Variants in MBOAT2 observed in about 807,000 individuals in gnomAD.
The protein encoded by MBOAT2 is membrane bound glycerophospholipid O-acyltransferase 2, also known as membrane-bound glycerophospholipid O-acyltransferase 2.
MBOAT2 carries 28 observed loss-of-function variants against 63.4 expected under a neutral mutation model. The observed-to-expected ratio is 0.44, with a 90% CI of 0.33 to 0.61. The LOEUF is 0.61. Among genes scored for constraint, MBOAT2 ranks in the 20% least tolerant of loss-of-function variants. The probability of loss-of-function intolerance (pLI) is 0.03; values close to 1 mark genes in which losing one functional copy is unlikely to be tolerated. For missense variants in MBOAT2, 470 were observed against 605.8 expected, an observed-to-expected ratio of 0.78 and a Z score of 2.35; for synonymous variants, 211 against 215.6, an observed-to-expected ratio of 0.98 and a Z score of 0.19.
chr2:8,997,303 A>G (rs1009495548), intron 1 of MBOAT2, among the ~76,000 whole-genome samples: 1 of 152,156 alleles, frequency 6.6e-6, no homozygotes, highest in African/African-American at 2.4e-5. Context: ...GCCCTGATGG[A>G]CCCAATAAAC....
chr2:8,869,058 T>TG (rs1662116045), intron 8 of MBOAT2, among the ~76,000 whole-genome samples: 1 of 152,184 alleles, frequency 6.6e-6, no homozygotes, highest in African/African-American at 2.4e-5. Context: ...CTAGAATTTT[T>TG]AAAAAATAGA....
At chr2:8,947,237 T>A (rs994848989) in intron 2 of MBOAT2, among the ~76,000 whole-genome samples, 4 of 152,098 alleles carry the variant, frequency 2.6e-5, no homozygotes, top group African/African-American at 7.2e-5. Context: ...TCAATTCTAG[T>A]AGGGTGGAGA....
intron 3 of MBOAT2, among the ~76,000 whole-genome samples, chr2:8,926,038 G>A (rs1365285764): frequency 6.6e-6 from 1 of 152,198 alleles, no homozygotes; most frequent in Non-Finnish European, 1.5e-5. Context: ...AAGCTACTGG[G>A]CAGGAGAGCA....
intron 4 of MBOAT2, among the ~76,000 whole-genome samples, chr2:8,899,507 G>A (rs1664750427): frequency 6.6e-6 from 1 of 152,204 alleles, no homozygotes; most frequent in Non-Finnish European, 1.5e-5. Flanking sequence ...CTGGGGCTCA[G>A]TGAGGGTGAT....
At chr2:9,001,660 G>A (rs978125391) in intron 1 of MBOAT2, among the ~76,000 whole-genome samples, 4 of 152,210 alleles carry the variant, frequency 2.6e-5, no homozygotes, top group Non-Finnish European at 5.9e-5. Flanking sequence ...TTTAAGTCCT[G>A]TCACTTTCCC....
intron 3 of MBOAT2, among the ~76,000 whole-genome samples, chr2:8,939,925 G>A (rs1187921968): frequency 1.3e-5 from 2 of 152,066 alleles, no homozygotes; most frequent in African/African-American, 4.8e-5. Context: ...AGTGATAAAG[G>A]GCAAATTACC....
At chr2:8,904,666 C>CT (rs1317098433) in intron 4 of MBOAT2, among the ~76,000 whole-genome samples, 3 of 152,038 alleles carry the variant, frequency 2.0e-5, no homozygotes, top group Admixed American at 1.3e-4. Context: ...TCCAGTTACT[C>CT]TATGTTCTAC....
chr2:8,857,872 G>C lies in MBOAT2; in HGVS notation c.*807C>G, dbSNP rs1661208700. The C allele has an allele frequency of 1.3e-5, 2 of 152,226 alleles. No homozygotes were observed. Among genetic ancestry groups the C allele is most frequent in the Non-Finnish European group, 2.9e-5 (2 of 68,038 alleles). 9.4% of individuals were successfully genotyped at this position (152,226 alleles called of 1,614,324 possible). On this transcript the variant is annotated 3_prime_UTR_variant, in exon 13 of 13. Transcript: ENST00000305997. Reference sequence around the variant, plus strand: ...CGGCTGTGCCCCGTGCATTCCACCGGAGGCCACGCAGTGCTTCTTCATTCC... The same window carrying C: ...CGGCTGTGCCCCGTGCATTCCACCGCAGGCCACGCAGTGCTTCTTCATTCC...
At chr2:8,951,364 C>T (rs1668823342) in intron 2 of MBOAT2, among the ~76,000 whole-genome samples, 1 of 152,136 alleles carries the variant, frequency 6.6e-6, no homozygotes, top group African/African-American at 2.4e-5. Context: ...GTCACCACAC[C>T]TGGCTAATTT....
chr2:8,962,683 T>A (rs1669698498), intron 1 of MBOAT2, among the ~76,000 whole-genome samples: 1 of 152,064 alleles, frequency 6.6e-6, no homozygotes, highest in African/African-American at 2.4e-5. Context: ...AAACTATATA[T>A]ATATATATCC....
intron 6 of MBOAT2, among the ~76,000 whole-genome samples, chr2:8,881,233 T>C (rs189872911): frequency 6.6e-6 from 1 of 152,322 alleles, no homozygotes. Context: ...TCAGGCAGCA[T>C]GGGAGATTTG....
At chr2:8,970,104 GACCACATAGTTGGAAGT>G (rs1670336547) in intron 1 of MBOAT2, among the ~76,000 whole-genome samples, 2 of 152,228 alleles carry the variant, frequency 1.3e-5, no homozygotes, top group South Asian at 4.1e-4. Context: ...TTCCAAAATT[GACCACATAGTTGGAAGT>G]AAAGCACTCC....
Position 8,966,130 on chromosome 2 carries a change from G to A in MBOAT2, c.76-7488C>T, listed in dbSNP as rs79458503. Among the ~76,000 whole-genome samples the A allele has an allele frequency of 2.3e-3, 345 of 152,298 alleles. 1 individual carries two copies. The highest frequency in any genetic ancestry group is 7.8e-3 in the African/African-American group (323 of 41,554). ...TTGATGGAAAGGGGAGTGAGGAGGC[G>A]TGAAGTATACAACCTGATGTGAAAG... On this transcript the variant is annotated intron_variant, in intron 1 of 12. Transcript: ENST00000305997.
intron 1 of MBOAT2, among the ~76,000 whole-genome samples, chr2:8,982,663 C>A (rs999496159): frequency 2.6e-5 from 4 of 152,190 alleles, no homozygotes; most frequent in Non-Finnish European, 5.9e-5. Context: ...GATGTAAGAT[C>A]TCCCCAAAAG....
chr2:8,881,586 G>A (rs977249132), intron 6 of MBOAT2, among the ~76,000 whole-genome samples: 3 of 152,168 alleles, frequency 2.0e-5, no homozygotes, highest in African/African-American at 7.2e-5. Flanking sequence ...AATGGCAGCT[G>A]AGTGTCTGTA....
chr2:8,963,901 A>T (rs1669802707), intron 1 of MBOAT2, among the ~76,000 whole-genome samples: 1 of 152,242 alleles, frequency 6.6e-6, no homozygotes, highest in Non-Finnish European at 1.5e-5. Flanking sequence ...TGTGCCAGGC[A>T]GTGCAGCGCA....
At chr2:8,935,297 T>G (rs551115145) in intron 3 of MBOAT2, among the ~76,000 whole-genome samples, 2 of 152,292 alleles carry the variant, frequency 1.3e-5, no homozygotes, top group African/African-American at 4.8e-5. Context: ...AAAAAAATGT[T>G]AAAAAGAGTC....
chr2:8,998,245 G>A (rs942824633), intron 1 of MBOAT2, among the ~76,000 whole-genome samples: 7 of 152,288 alleles, frequency 4.6e-5, no homozygotes, highest in African/African-American at 1.2e-4. Flanking sequence ...AAAAGGAATC[G>A]TTCACAGCAG....
At chr2:8,934,275 C>G (rs527358114) in intron 3 of MBOAT2, among the ~76,000 whole-genome samples, 1 of 152,114 alleles carries the variant, frequency 6.6e-6, no homozygotes, top group East Asian at 1.9e-4. Context: ...GTTCAGAGAC[C>G]CTGTTGGCTC....
Sources: allele counts gnomAD v4.1 joint callset (sites outside exome capture counted in the v4.1 genomes callset), GRCh38; gene constraint gnomAD v4.1.1; transcripts MANE v1.5; gene names NCBI Gene and HGNC (gene_info 2026-07-23, HGNC 2026-07-21).